Variants in AGBL1 observed in about 807,000 individuals in gnomAD.
AGBL1 encodes the protein cytosolic carboxypeptidase 4.
In AGBL1, 130 loss-of-function variants were observed where a neutral mutation model predicts 118.9. The observed-to-expected ratio is 1.09, with a 90% CI of 0.95 to 1.26. The LOEUF is 1.26. Ranked by LOEUF, AGBL1 falls within the 50% of genes most tolerant of loss-of-function variation. The pLI, the probability that AGBL1 is intolerant of heterozygous loss-of-function variation, is 0.00. For synonymous variants in AGBL1, 555 were observed against 478.9 expected (o/e 1.16, Z -2.08); for missense variants, 1,584 against 1,298.1 (o/e 1.22, Z -3.38).
intron 21 of AGBL1, among the ~76,000 whole-genome samples, chr15:86,564,527 T>A (rs181359487): frequency 3.1e-3 from 473 of 152,348 alleles, no homozygotes; most frequent in Non-Finnish European, 5.3e-3. Context: ...CTTCCCTTTG[T>A]GGGTAACCCG....
chr15:86,475,373 C>T (rs1438922438), intron 18 of AGBL1, among the ~76,000 whole-genome samples: 1 of 152,062 alleles, frequency 6.6e-6, no homozygotes, highest in Non-Finnish European at 1.5e-5. Context: ...GTAGAGAAGT[C>T]CTTAAATGAC....
chr15:86,266,604 T>C, intron 12 of AGBL1, 147 bp downstream of exon 12: 1 of 697,296 alleles, frequency 1.4e-6, no homozygotes, highest in South Asian at 2.3e-5. Flanking sequence ...AGAGAAAGCT[T>C]AGCTTTAAGA....
intron 21 of AGBL1, among the ~76,000 whole-genome samples, chr15:86,599,646 C>T (rs940393391): frequency 6.6e-6 from 1 of 152,018 alleles, no homozygotes; most frequent in African/African-American, 2.4e-5. Flanking sequence ...ATATCATGTT[C>T]CACAATGGCC....
At chr15:86,208,466 GTAGGC>G (rs772387607) in intron 5 of AGBL1, among the ~76,000 whole-genome samples, 21 of 152,260 alleles carry the variant, frequency 1.4e-4, no homozygotes, top group Non-Finnish European at 2.5e-4. Flanking sequence ...TTTTGGATTG[GTAGGC>G]TATTAATTAT....
intron 1 of AGBL1, among the ~76,000 whole-genome samples, chr15:86,091,502 T>C (rs1168338998): frequency 6.6e-6 from 1 of 152,260 alleles, no homozygotes; most frequent in East Asian, 1.9e-4. Context: ...TGTCTGCCTA[T>C]GCAGTTATGC....
chr15:86,192,170 G>GCA (rs199529547), intron 5 of AGBL1, among the ~76,000 whole-genome samples: 3 of 149,364 alleles, frequency 2.0e-5, no homozygotes, highest in Non-Finnish European at 3.0e-5. Context: ...ACACACACAT[G>GCA]CACACACACA....
intron 21 of AGBL1, among the ~76,000 whole-genome samples, chr15:86,596,145 C>T (rs1291879549): frequency 6.6e-6 from 1 of 151,974 alleles, no homozygotes; most frequent in Non-Finnish European, 1.5e-5. Flanking sequence ...CACACATACA[C>T]ACAAAAGAAA....
At chr15:86,353,898 T>C (rs1320006124) in intron 17 of AGBL1, among the ~76,000 whole-genome samples, 1 of 152,206 alleles carries the variant, frequency 6.6e-6, no homozygotes, top group African/African-American at 2.4e-5. Flanking sequence ...AGAGTAGTGG[T>C]GTGGTTATAA....
intron 17 of AGBL1, among the ~76,000 whole-genome samples, chr15:86,314,357 A>G (rs2079966209): frequency 6.6e-6 from 1 of 152,206 alleles, no homozygotes; most frequent in South Asian, 2.1e-4. Flanking sequence ...TTAGAGTGCC[A>G]GCCTGGTCTA....
At chr15:86,413,632 G>C (rs937277195) in intron 18 of AGBL1, among the ~76,000 whole-genome samples, 1 of 151,884 alleles carries the variant, frequency 6.6e-6, no homozygotes, top group Non-Finnish European at 1.5e-5. Context: ...TAGTGGTGTT[G>C]GGTATTTTTT....
chr15:86,517,692 G>A (rs1304652978), intron 18 of AGBL1, among the ~76,000 whole-genome samples: 4 of 152,102 alleles, frequency 2.6e-5, no homozygotes, highest in Admixed American at 1.3e-4. Context: ...AGCATTTTGC[G>A]TGACAAAAAA....
intron 16 of AGBL1, among the ~76,000 whole-genome samples, chr15:86,291,002 C>A (rs964958100): frequency 2.6e-5 from 4 of 152,068 alleles, no homozygotes; most frequent in Non-Finnish European, 5.9e-5. Context: ...CATCCATATC[C>A]CTACAAAGGA....
At chr15:86,299,125 G>A (rs1173958393) in intron 17 of AGBL1, among the ~76,000 whole-genome samples, 1 of 152,124 alleles carries the variant, frequency 6.6e-6, no homozygotes, top group Non-Finnish European at 1.5e-5. Flanking sequence ...GGAGAACTGA[G>A]GACAGTCCCT....
At chr15:86,990,357 A>T (rs1444563728) in intron 24 of AGBL1, among the ~76,000 whole-genome samples, 1 of 152,164 alleles carries the variant, frequency 6.6e-6, no homozygotes, top group African/African-American at 2.4e-5. Context: ...TGTACTAAAA[A>T]TACAAAAATT....
At chr15:86,525,143 A>G (rs1334941983) in intron 19 of AGBL1, among the ~76,000 whole-genome samples, 1 of 148,176 alleles carries the variant, frequency 6.7e-6, no homozygotes, top group African/African-American at 2.7e-5. Flanking sequence ...ACTCCGTTTT[A>G]TTAACAATAG....
At chr15:86,216,517 C>G (rs1250542166) in intron 5 of AGBL1, among the ~76,000 whole-genome samples, 1 of 152,052 alleles carries the variant, frequency 6.6e-6, no homozygotes, top group East Asian at 1.9e-4. Flanking sequence ...TTGAGATGAT[C>G]AGGTATTTTC....
intron 17 of AGBL1, among the ~76,000 whole-genome samples, chr15:86,318,555 A>T (rs1274778475): frequency 6.6e-6 from 1 of 151,986 alleles, no homozygotes; most frequent in East Asian, 1.9e-4. Flanking sequence ...GGGTCCAAAG[A>T]CCACTAGAGC....
chr15:86,976,352 A>T (rs760268752), intron 23 of AGBL1, among the ~76,000 whole-genome samples: 8 of 151,708 alleles, frequency 5.3e-5, no homozygotes, highest in Non-Finnish European at 8.8e-5. Context: ...TCATAAAAAA[A>T]TTTTCAAGTC....
chr15:86,775,830 C>A (rs1489025094), intron 22 of AGBL1, among the ~76,000 whole-genome samples: 1 of 152,056 alleles, frequency 6.6e-6, no homozygotes, highest in Non-Finnish European at 1.5e-5. Context: ...CACCTATGTA[C>A]TCAGCAATCA....
Sources: allele counts gnomAD v4.1 joint callset (sites outside exome capture counted in the v4.1 genomes callset), GRCh38; gene constraint gnomAD v4.1.1; transcripts MANE v1.5; gene names NCBI Gene and HGNC (gene_info 2026-07-23, HGNC 2026-07-21).